The following MYO6 variants were observed in gnomAD, a reference collection of about 807,000 sequenced individuals.
MYO6 encodes the protein unconventional myosin-VI.
In MYO6, 74 loss-of-function variants were observed where a neutral mutation model predicts 178.7. The observed-to-expected ratio is 0.41, with a 90% CI of 0.34 to 0.50. The LOEUF (loss-of-function observed/expected upper bound fraction) is 0.50. Among genes scored for constraint, MYO6 ranks in the 20% least tolerant of loss-of-function variants. MYO6 has a pLI of 0.09. For missense variants in MYO6, 1,330 were observed against 1,547.4 expected, an observed-to-expected ratio of 0.86 and a Z score of 2.36; for synonymous variants, 477 against 504.6, an observed-to-expected ratio of 0.95 and a Z score of 0.73.
chr6:75,750,406 A>G (rs924883570), intron 1 of MYO6, among the ~76,000 whole-genome samples: 1 of 151,740 alleles, frequency 6.6e-6, no homozygotes, highest in Non-Finnish European at 1.5e-5. Context: ...AATATTCTTT[A>G]CATCTTACCT....
intron 1 of MYO6, among the ~76,000 whole-genome samples, chr6:75,809,812 C>T (rs1164503531): frequency 6.6e-6 from 1 of 150,774 alleles, no homozygotes; most frequent in Non-Finnish European, 1.5e-5. Flanking sequence ...CTTGTAATCC[C>T]AGCACTTTGG....
At chr6:75,872,410 T>A (rs927700564) in intron 19 of MYO6, among the ~76,000 whole-genome samples, 1 of 152,226 alleles carries the variant, frequency 6.6e-6, no homozygotes, top group Admixed American at 6.5e-5. Context: ...CAGTGCAGCT[T>A]AGGGACCTAC....
chr6:75,798,054 C>T (rs1207320670), intron 1 of MYO6, among the ~76,000 whole-genome samples: 1 of 152,092 alleles, frequency 6.6e-6, no homozygotes, highest in African/African-American at 2.4e-5. Flanking sequence ...AAATTCTTAG[C>T]CAAGGCCAGT....
intron 2 of MYO6, among the ~76,000 whole-genome samples, chr6:75,819,698 A>C (rs1223793811): frequency 6.6e-6 from 1 of 152,248 alleles, no homozygotes; most frequent in African/African-American, 2.4e-5. Flanking sequence ...GTTGATCAAA[A>C]GAAACATTCT....
intron 10 of MYO6, among the ~76,000 whole-genome samples, chr6:75,845,850 C>T (rs150832770): frequency 0.018 from 2,644 of 150,354 alleles, 70 homozygotes; most frequent in African/African-American, 0.061. Context: ...AGCCAGGTGT[C>T]GTGGTGTGTG....
intron 7 of MYO6, among the ~76,000 whole-genome samples, chr6:75,837,396 A>C (rs1773751854): frequency 6.6e-6 from 1 of 152,030 alleles, no homozygotes; most frequent in South Asian, 2.1e-4. Context: ...CTCTCTTGGC[A>C]TTTTTTGTTT....
intron 30 of MYO6, among the ~76,000 whole-genome samples, chr6:75,902,901 G>C (rs1411595685): frequency 6.6e-6 from 1 of 151,732 alleles, no homozygotes; most frequent in African/African-American, 2.4e-5. Context: ...CGTTGAATGC[G>C]TCCCAGAGAT....
chr6:75,773,795 C>T (rs1259778688), intron 1 of MYO6, among the ~76,000 whole-genome samples: 1 of 152,136 alleles, frequency 6.6e-6, no homozygotes, highest in African/African-American at 2.4e-5. Context: ...GACGGAATAC[C>T]TCTGTGAACT....
At chr6:75,894,728 T>A (rs1779159686) in intron 28 of MYO6, 1 of 803,666 alleles carries the variant, frequency 1.2e-6, no homozygotes, top group Non-Finnish European at 1.8e-6. Flanking sequence ...TATAGCATGA[T>A]GTTGTTGGGT....
chr6:75,834,266 C>T (rs1431371112), intron 6 of MYO6, among the ~76,000 whole-genome samples: 1 of 151,868 alleles, frequency 6.6e-6, no homozygotes, highest in Non-Finnish European at 1.5e-5. Flanking sequence ...GCTCTGTTGC[C>T]CAGTCACCCA....
intron 1 of MYO6, among the ~76,000 whole-genome samples, chr6:75,768,326 CATTTTATTTT>C (rs57473480): frequency 0.31 from 37,247 of 118,958 alleles, 6,378 homozygotes; most frequent in Admixed American, 0.38. Flanking sequence ...GTAAATAATT[CATTTTATTTT>C]ATTTTATTTT....
At chr6:75,805,021 A>ATATTTTTTTGTT (rs1252912172) in intron 1 of MYO6, among the ~76,000 whole-genome samples, 1 of 77,312 alleles carries the variant, frequency 1.3e-5, no homozygotes, top group East Asian at 5.6e-4. Context: ...ATATATATAT[A>ATATTTTTTTGTT]TTTTTTTTTT....
At chr6:75,809,797 T>G (rs1659382490) in intron 1 of MYO6, among the ~76,000 whole-genome samples, 1 of 150,954 alleles carries the variant, frequency 6.6e-6, no homozygotes, top group Non-Finnish European at 1.5e-5. Context: ...GCGTGCTGGC[T>G]GAGGCTTGTA....
intron 2 of MYO6, among the ~76,000 whole-genome samples, chr6:75,819,484 G>A (rs1404194816): frequency 2.6e-5 from 4 of 152,236 alleles, no homozygotes; most frequent in Non-Finnish European, 4.4e-5. Context: ...CGCAGTGGAA[G>A]TACAGTGGAA....
At chr6:75,905,439 C>G (rs144794497) in intron 30 of MYO6, among the ~76,000 whole-genome samples, 1 of 152,206 alleles carries the variant, frequency 6.6e-6, no homozygotes, top group Non-Finnish European at 1.5e-5. Context: ...TTTTTAAGCC[C>G]GTCGGAAAAG....
chr6:75,872,307 T>C lies in MYO6; in HGVS notation c.1984-900T>C, dbSNP rs1333556011. Among the ~76,000 whole-genome samples, 4 of 152,240 alleles carry C rather than the reference T, an allele frequency of 2.6e-5. No homozygotes were observed. In the East Asian group the frequency reaches 7.7e-4, roughly 29 times the overall value. On this transcript the variant is annotated intron_variant, in intron 19 of 34. Coordinates refer to ENST00000369977, the MANE Select transcript of MYO6 (RefSeq NM_004999.4). ...TTGTATACATAATCAGTATTCTTTC[T>C]ACCTCATTCAGCATAATCTGATAAT...
chr6:75,828,892 G>A (rs1308704748), intron 4 of MYO6, among the ~76,000 whole-genome samples: 1 of 152,038 alleles, frequency 6.6e-6, no homozygotes, highest in East Asian at 1.9e-4. Context: ...ACTTAAAAAT[G>A]TCCAGTTTGA....
intron 33 of MYO6, 39 bp downstream of exon 33, chr6:75,911,737 A>G (rs2149426850): frequency 1.9e-6 from 3 of 1,587,306 alleles, no homozygotes; most frequent in East Asian, 2.2e-5. Flanking sequence ...TAACTGGAAG[A>G]TGGGTTAAAA....
intron 23 of MYO6, among the ~76,000 whole-genome samples, chr6:75,882,678 A>G (rs1034081340): frequency 1.3e-5 from 2 of 151,470 alleles, no homozygotes; most frequent in African/African-American, 4.8e-5. Context: ...AAAACATGAC[A>G]GAACTCTTCA....
Sources: gnomAD v4.1 joint callset for allele counts (sites outside exome capture counted in the v4.1 genomes callset) on GRCh38, gnomAD v4.1.1 for gene constraint, MANE v1.5 for transcripts, NCBI Gene and HGNC (gene_info 2026-07-23, HGNC 2026-07-21) for gene names.